Variants in CSMD2 observed in about 807,000 individuals in gnomAD.
CSMD2 encodes the protein CUB and Sushi multiple domains 2, also known as CUB and sushi domain-containing protein 2.
In CSMD2, 130 loss-of-function variants were observed where a neutral mutation model predicts 398.5. The observed-to-expected ratio is 0.33, with a 90% CI of 0.28 to 0.38. The LOEUF (loss-of-function observed/expected upper bound fraction) is 0.38. CSMD2 is among the 10% of genes least tolerant of loss of function. The probability of loss-of-function intolerance (pLI) is 1.00; values close to 1 mark genes in which losing one functional copy is unlikely to be tolerated. For missense variants in CSMD2, 3,829 were observed against 4,764.9 expected (o/e 0.80, Z 5.78); for synonymous variants, 1,828 against 1,908.5 (o/e 0.96, Z 1.10).
At chr1:34,000,504 G>A (rs1251455870) in intron 3 of CSMD2, among the ~76,000 whole-genome samples, 3 of 152,112 alleles carry the variant, frequency 2.0e-5, no homozygotes, top group African/African-American at 4.8e-5. Flanking sequence ...AAACCATACC[G>A]GCAATGCAGA....
At chr1:34,016,801 TAGAC>T (rs979993515) in intron 3 of CSMD2, among the ~76,000 whole-genome samples, 3 of 133,902 alleles carry the variant, frequency 2.2e-5, no homozygotes, top group East Asian at 3.2e-4. Context: ...GATAGATAGA[TAGAC>T]AGATAGAATG....
rs1557493138 is a variant in CSMD2 at position 33,533,753 on chromosome 1, G to A, written c.9991+43C>T. 3 of 1,329,226 alleles carry A rather than the reference G, an allele frequency of 2.3e-6. No individual in the cohort carries two copies. The highest frequency in any genetic ancestry group is 1.1e-6 in the Non-Finnish European group (1 of 921,556). 82.3% of individuals were successfully genotyped at this position (1,329,226 alleles called of 1,614,324 possible). The stretch of plus-strand genomic sequence containing the variant: ...AACATGACCCAGATGCCCAGCTGGG[G>A]CAAGAGGAATTTTCTTGGGATGTGG... On this transcript the variant is annotated intron_variant, in intron 63 of 70. Transcript: ENST00000373381. The surrounding 1 kb of genome is among the most constrained non-coding windows in gnomAD (Gnocchi z 4.2).
In CSMD2 at chr1:33,550,251, C is replaced by T. The variant is rs114857735; in HGVS notation, c.8843G>A (p.Arg2948His). Residue 2948 changes from arginine (R) to histidine (H), a missense_variant, in exon 56 of 71, where the codon CGT becomes CAT. Arg to His is a conservative substitution (Grantham distance 29). Coordinates refer to ENST00000373381, the MANE Select transcript of CSMD2 (RefSeq NM_001281956.2). ...AVVRYSCIGK[R>H]TLVGNSTRMC... is the part of the protein sequence containing the mutation. ...GCGGGTGCTGTTTCCCACCAGAGTA[C>T]GCTTGCCGATGCAGCTGTACCGCAC... is the stretch of plus-strand genomic sequence containing the variant. The T allele has an allele frequency of 3.2e-4, 518 of 1,614,234 alleles. 1 individual carries two copies. The African/African-American group carries it at 3.5e-3, about 11-fold the overall frequency.
Position 33,519,672 on chromosome 1 carries a change from C to T in CSMD2, c.10742G>A (p.Arg3581Lys). Reference protein sequence around the residue: ...FVLYLYKHRRRPKVPFNGYAG... With the variant: ...FVLYLYKHRRKPKVPFNGYAG... ...ATAGCCATTGAAAGGAACTTTGGGTCTTCTCCTGGCGATAAAAGAGGAAGT... is the reference window on the plus strand; with the variant it reads ...ATAGCCATTGAAAGGAACTTTGGGTTTTCTCCTGGCGATAAAAGAGGAAGT... Residue 3581 changes from arginine (R) to lysine (K), a missense_variant, in exon 70 of 71, where the codon AGA becomes AAA. Around this residue, in one of 5 missense-constraint regions of CSMD2, gnomAD observed 917 missense variants for 1,199.5 expected, o/e 0.76. Coordinates refer to ENST00000373381, the MANE Select transcript of CSMD2 (RefSeq NM_001281956.2). This position sits in a 1 kb window ranked among gnomAD's most constrained non-coding sequence, Gnocchi z 5.6. The T allele has an allele frequency of 6.2e-7, 1 of 1,613,948 alleles. No individual in the cohort carries two copies. Among genetic ancestry groups the T allele is most frequent in the Non-Finnish European group, 8.5e-7 (1 of 1,180,010 alleles).
chr1:33,974,409 C>A (rs1298736173), intron 3 of CSMD2, among the ~76,000 whole-genome samples: 1 of 152,224 alleles, frequency 6.6e-6, no homozygotes, highest in Admixed American at 6.5e-5. Context: ...GGCATAGGGC[C>A]AAGCACTAGG....
intron 48 of CSMD2, among the ~76,000 whole-genome samples, chr1:33,579,470 ACAGTCAAGACC>A (rs1320898706): frequency 6.6e-6 from 1 of 151,996 alleles, no homozygotes; most frequent in Non-Finnish European, 1.5e-5. Context: ...GGGCTCTGAG[ACAGTCAAGACC>A]CACCTTCTCC....
intron 7 of CSMD2, among the ~76,000 whole-genome samples, chr1:33,823,283 G>A (rs1010669562): frequency 4.6e-5 from 7 of 152,246 alleles, no homozygotes; most frequent in African/African-American, 1.4e-4. Context: ...CTGAGCAGGG[G>A]ATGGTGGTCC....
In CSMD2 at chr1:34,014,713, G is replaced by A. The variant is rs185392458; in HGVS notation, c.517+17881C>T. Among the ~76,000 whole-genome samples the A allele has an allele frequency of 1.5e-3, 231 of 152,344 alleles. 2 individuals carry two copies. The highest frequency in any genetic ancestry group is 5.2e-3 in the African/African-American group (218 of 41,578). ...GGGCAAGGGCTGGTGCTACCCATGT[G>A]GGTTTTTCCAGGCCTTGTTCAGAAG... On this transcript the variant is annotated intron_variant, in intron 3 of 70. Coordinates refer to ENST00000373381, the MANE Select transcript of CSMD2 (RefSeq NM_001281956.2).
chr1:33,713,984 TTC>T (rs1385209310), intron 21 of CSMD2, among the ~76,000 whole-genome samples: 2 of 152,192 alleles, frequency 1.3e-5, no homozygotes, highest in South Asian at 4.1e-4. Context: ...AGTGAAGAAT[TTC>T]TCTGTTTTGT....
chr1:33,741,325 G>A (rs1284494302), intron 14 of CSMD2, among the ~76,000 whole-genome samples: 1 of 151,998 alleles, frequency 6.6e-6, no homozygotes, highest in East Asian at 1.9e-4. Flanking sequence ...TGTAGGAGGA[G>A]ATTAAAATCC....
chr1:34,012,454 T>C (rs1004986614), intron 3 of CSMD2, among the ~76,000 whole-genome samples: 2 of 152,206 alleles, frequency 1.3e-5, no homozygotes, highest in Non-Finnish European at 2.9e-5. Context: ...CTATTTTTTT[T>C]TTCTTTTTTG....
Position 33,569,412 on chromosome 1 carries a change from G to A in CSMD2, c.8093C>T (p.Ala2698Val). 1 of 1,614,194 alleles carries A rather than the reference G, an allele frequency of 6.2e-7. No homozygotes were observed. The highest frequency in any genetic ancestry group is 1.1e-5 in the South Asian group (1 of 91,080). The part of the protein sequence containing the change: ...LVGSRVRECM[A>V]NGLWSGSEVR... ...TTCAGAGCCACTCCAGAGCCCATTGGCCATGCACTCACGCACCCTGGAGCC... is the reference window on the plus strand; with the variant it reads ...TTCAGAGCCACTCCAGAGCCCATTGACCATGCACTCACGCACCCTGGAGCC... The change falls in exon 52 of 71, where the codon GCC (alanine) becomes GTC (valine). Residue 2698 changes from alanine (A) to valine (V), a missense_variant. Physicochemically the swap from Ala to Val is moderately conservative, Grantham distance 64. Coordinates refer to ENST00000373381, the MANE Select transcript of CSMD2 (RefSeq NM_001281956.2).
intron 62 of CSMD2, among the ~76,000 whole-genome samples, chr1:33,536,531 C>T (rs1178494394): frequency 6.6e-6 from 1 of 152,212 alleles, no homozygotes; most frequent in Non-Finnish European, 1.5e-5. Flanking sequence ...CCATCCTTTT[C>T]TCTGTTCAAT....
Position 33,995,770 on chromosome 1 carries a change from G to C in CSMD2, c.517+36824C>G, listed in dbSNP as rs149279038. Among the ~76,000 whole-genome samples, 33 of 152,304 alleles carry C rather than the reference G, an allele frequency of 2.2e-4. No individual in the cohort carries two copies. The East Asian group carries it at 3.5e-3, about 16-fold the overall frequency. On this transcript the variant is annotated intron_variant, in intron 3 of 70. Coordinates refer to ENST00000373381, the MANE Select transcript of CSMD2 (RefSeq NM_001281956.2). ...GAAAGAAATGGACTTATCGCGAATA[G>C]GAAAAGCAACACTTTTAAAATTCCA...
intron 25 of CSMD2, among the ~76,000 whole-genome samples, chr1:33,671,596 A>C (rs893380194): frequency 6.6e-6 from 1 of 152,036 alleles, no homozygotes; most frequent in African/African-American, 2.4e-5. Flanking sequence ...CCACGCCCCC[A>C]CCAACCAATA....
At chr1:33,617,121 A>G in intron 38 of CSMD2, 146 bp from the exon 39 acceptor site, 1 of 632,096 alleles carries the variant, frequency 1.6e-6, no homozygotes, top group South Asian at 2.0e-5. Flanking sequence ...GTGGGATGGG[A>G]GTGAGGTAGA....
chr1:33,772,786 A>G, intron 12 of CSMD2, 35 bp from the exon 13 acceptor site: 1 of 1,586,474 alleles, frequency 6.3e-7, no homozygotes, highest in Non-Finnish European at 8.6e-7. Flanking sequence ...CAGAGACAAA[A>G]GGTGACTTTA....
chr1:33,558,024 G>A (rs970189275), intron 54 of CSMD2, 102 bp from the exon 55 acceptor site: 3 of 1,046,396 alleles, frequency 2.9e-6, no homozygotes, highest in Non-Finnish European at 4.1e-6. Context: ...AGGGTGAGCT[G>A]GTCCCAAGGT....
At chr1:33,564,101 A>G (rs370072400) in intron 53 of CSMD2, among the ~76,000 whole-genome samples, 1 of 151,958 alleles carries the variant, frequency 6.6e-6, no homozygotes, top group Admixed American at 6.6e-5. Flanking sequence ...TCATCACACA[A>G]CAGCAGCAGC....
Sources: allele counts gnomAD v4.1 joint callset (sites outside exome capture counted in the v4.1 genomes callset), GRCh38; gene constraint gnomAD v4.1.1; regional missense constraint gnomAD v4.1.1; non-coding constraint Gnocchi (gnomAD v3.1); transcripts MANE v1.5; gene names NCBI Gene and HGNC (gene_info 2026-07-23, HGNC 2026-07-21).